TRMT11: variants seen among roughly 807,000 people sequenced by gnomAD.
TRMT11 encodes tRNA methyltransferase 11.
A neutral mutation model predicts 62.8 loss-of-function variants in TRMT11; 53 were observed. That is an observed-to-expected ratio of 0.84 (90% CI 0.68 to 1.06). The LOEUF is 1.06. Ranked by LOEUF, TRMT11 falls within the 50% of genes least tolerant of loss-of-function variation. The probability of loss-of-function intolerance (pLI) is 0.00; values close to 1 mark genes in which losing one functional copy is unlikely to be tolerated. For missense variants in TRMT11, 556 were observed against 553.4 expected (o/e 1.00, Z -0.05); for synonymous variants, 188 against 190.3 (o/e 0.99, Z 0.10).
chr6:126,056,839 C>T (rs7748297), intron 17 of TRMT11, among the ~76,000 whole-genome samples: 11,812 of 152,160 alleles, frequency 0.078, 1,446 homozygotes, highest in African/African-American at 0.26. Context: ...CCTTCTTTAT[C>T]CACAGAAGAT....
chr6:126,223,878 A>T, the TRMT11 span, among the ~76,000 whole-genome samples: 2 of 152,034 alleles, frequency 1.3e-5, no homozygotes, highest in Non-Finnish European at 2.9e-5. Context: ...CTCTGAGTTG[A>T]TTCAAAGAAT....
intron 21 of TRMT11, among the ~76,000 whole-genome samples, chr6:126,140,225 C>A (rs953213153): frequency 6.6e-6 from 1 of 151,610 alleles, no homozygotes; most frequent in Admixed American, 6.6e-5. Flanking sequence ...CTGGGATAAG[C>A]CCTATTTGGT....
At chr6:126,227,193 C>A in the TRMT11 span, among the ~76,000 whole-genome samples, 1 of 152,138 alleles carries the variant, frequency 6.6e-6, no homozygotes, top group Non-Finnish European at 1.5e-5. Context: ...ACTAGCAAAA[C>A]CCCACAAAGG....
At chr6:126,152,215 A>T (rs965594256) in intron 21 of TRMT11, among the ~76,000 whole-genome samples, 5 of 151,326 alleles carry the variant, frequency 3.3e-5, no homozygotes, top group Non-Finnish European at 7.4e-5. Context: ...TGAAATGCAG[A>T]TTAGGTTGTG....
At chr6:126,196,659 G>A (rs1433949562) in intron 1 of TRMT11, among the ~76,000 whole-genome samples, 1 of 151,920 alleles carries the variant, frequency 6.6e-6, no homozygotes, top group African/African-American at 2.4e-5. Flanking sequence ...CAGAATATCT[G>A]TAAAGGATTT....
the TRMT11 span, among the ~76,000 whole-genome samples, chr6:126,243,018 T>C: frequency 6.6e-6 from 1 of 152,144 alleles, no homozygotes; most frequent in African/African-American, 2.4e-5. Flanking sequence ...TGGGATAAAA[T>C]TTTTGCTATC....
chr6:126,037,686 T>G (rs1775439903), intron 12 of TRMT11, among the ~76,000 whole-genome samples: 1 of 152,102 alleles, frequency 6.6e-6, no homozygotes, highest in Admixed American at 6.6e-5. Flanking sequence ...GCCAACATTA[T>G]TTTGGCTAAA....
chr6:126,148,177 CAGTT>C lies in TRMT11; in HGVS notation c.*1824-26644_*1824-26641del, dbSNP rs758300449. Among the ~76,000 whole-genome samples, 22 of 152,258 alleles carry C rather than the reference CAGTT, an allele frequency of 1.4e-4. 1 individual carries two copies. Among genetic ancestry groups the C allele is most frequent in the South Asian group, 8.3e-4 (4 of 4,824 alleles). Reference sequence around the variant, plus strand: ...TCCTGGTATTGCCCTGTTTACCTCTCAGTTAGTCTGGTCCATGGCTGGAGCCTGG... The same window carrying C: ...TCCTGGTATTGCCCTGTTTACCTCTCAGTCTGGTCCATGGCTGGAGCCTGG... On this transcript the variant is annotated intron_variant and NMD_transcript_variant, in intron 21 of 22. Coordinates refer to the TRMT11 transcript ENST00000648977.
At chr6:126,021,862 G>T (rs912162281) in intron 12 of TRMT11, among the ~76,000 whole-genome samples, 4 of 152,120 alleles carry the variant, frequency 2.6e-5, no homozygotes, top group Middle Eastern at 3.4e-3. Flanking sequence ...ATGCCCAGAC[G>T]AGAGTTGACA....
chr6:126,240,918 C>G, the TRMT11 span, among the ~76,000 whole-genome samples: 1 of 152,250 alleles, frequency 6.6e-6, no homozygotes, highest in Admixed American at 6.5e-5. Flanking sequence ...GTGGGCACCC[C>G]TCCCCCAGCC....
intron 21 of TRMT11, among the ~76,000 whole-genome samples, chr6:126,153,641 T>A (rs1420005044): frequency 6.6e-6 from 1 of 152,222 alleles, no homozygotes; most frequent in Non-Finnish European, 1.5e-5. Flanking sequence ...TGGGTTAATC[T>A]CTTAGTTGCC....
chr6:126,128,601 A>G (rs1193293295), intron 21 of TRMT11, among the ~76,000 whole-genome samples: 1 of 152,068 alleles, frequency 6.6e-6, no homozygotes, highest in African/African-American at 2.4e-5. Flanking sequence ...GGATGGCAAA[A>G]AGGAATCTTC....
At chr6:126,092,097 T>C (rs1436365347) in intron 17 of TRMT11, among the ~76,000 whole-genome samples, 1 of 152,244 alleles carries the variant, frequency 6.6e-6, no homozygotes, top group African/African-American at 2.4e-5. Context: ...AAGGTAGTTA[T>C]TCAGATGATT....
At chr6:126,042,433 T>C (rs1775907648), downstream of TRMT11, among the ~76,000 whole-genome samples, 1 of 152,176 alleles carries the variant, frequency 6.6e-6, no homozygotes, top group African/African-American at 2.4e-5. Flanking sequence ...GGCAGTCTTT[T>C]AAGCCTGGGT....
At chr6:126,251,999 A>G in the TRMT11 span, among the ~76,000 whole-genome samples, 2 of 152,236 alleles carry the variant, frequency 1.3e-5, no homozygotes, top group Admixed American at 6.5e-5. Context: ...GAATGCATGC[A>G]TGAGATGTAA....
chr6:126,008,928 T>C (rs1369526872), intron 8 of TRMT11, among the ~76,000 whole-genome samples: 1 of 151,960 alleles, frequency 6.6e-6, no homozygotes, highest in African/African-American at 2.4e-5. Context: ...CTTGTTTTTA[T>C]AAGACTTCAT....
the TRMT11 span, among the ~76,000 whole-genome samples, chr6:126,252,153 C>T: frequency 1.3e-5 from 2 of 152,232 alleles, no homozygotes. Flanking sequence ...CTTCTCTTCT[C>T]CATATGTTTG....
the TRMT11 span, among the ~76,000 whole-genome samples, chr6:126,253,254 T>C: frequency 6.6e-6 from 1 of 152,176 alleles, no homozygotes; most frequent in Non-Finnish European, 1.5e-5. Context: ...GCTCATCTTG[T>C]CCCACAGGAA....
intron 17 of TRMT11, among the ~76,000 whole-genome samples, chr6:126,087,538 T>C (rs1446827375): frequency 6.6e-6 from 1 of 152,242 alleles, no homozygotes; most frequent in Non-Finnish European, 1.5e-5. Context: ...TCTATAGGAT[T>C]GCTTCTTTGT....
Sources: allele counts gnomAD v4.1 joint callset (sites outside exome capture counted in the v4.1 genomes callset), GRCh38; gene constraint gnomAD v4.1.1; transcripts MANE v1.5; gene names NCBI Gene and HGNC (gene_info 2026-07-23, HGNC 2026-07-21).